FKBP5: variants seen among roughly 807,000 people sequenced by gnomAD.
The protein encoded by FKBP5 is peptidyl-prolyl cis-trans isomerase FKBP5.
FKBP5 carries 23 observed loss-of-function variants against 50.5 expected under a neutral mutation model. That is an observed-to-expected ratio of 0.46 (90% CI 0.33 to 0.65). The LOEUF (loss-of-function observed/expected upper bound fraction) is 0.65. Ranked by LOEUF, FKBP5 falls within the 30% of genes least tolerant of loss-of-function variation. FKBP5 has a pLI of 0.02. For synonymous variants in FKBP5, 176 were observed against 190.6 expected (o/e 0.92, Z 0.63); for missense variants, 411 against 553.1 (o/e 0.74, Z 2.58).
At chr6:35,611,571 CA>C (rs1301650939) in intron 5 of FKBP5, among the ~76,000 whole-genome samples, 1 of 152,104 alleles carries the variant, frequency 6.6e-6, no homozygotes, top group African/African-American at 2.4e-5. Flanking sequence ...TCTAAGAAAG[CA>C]AAGCTGAAAA....
chr6:35,604,175 T>TTTGTTG, intron 5 of FKBP5, among the ~76,000 whole-genome samples: 1 of 151,108 alleles, frequency 6.6e-6, no homozygotes, highest in East Asian at 2.0e-4. Context: ...GCCTGGCTAT[T>TTTGTTG]TTGTTGTTGT....
intron 6 of FKBP5, among the ~76,000 whole-genome samples, chr6:35,596,100 A>T (rs1287960672): frequency 6.6e-6 from 1 of 152,090 alleles, no homozygotes; most frequent in African/African-American, 2.4e-5. Flanking sequence ...CACACCTGTA[A>T]TCCCAGCACT....
intron 1 of FKBP5, among the ~76,000 whole-genome samples, chr6:35,653,663 A>G (rs557410841): frequency 6.6e-6 from 1 of 152,338 alleles, no homozygotes; most frequent in African/African-American, 2.4e-5. Flanking sequence ...AAAGGACCCT[A>G]AAGTACACTG....
chr6:35,609,063 A>G (rs1561856309), intron 5 of FKBP5, among the ~76,000 whole-genome samples: 1 of 152,176 alleles, frequency 6.6e-6, no homozygotes, highest in Non-Finnish European at 1.5e-5. Context: ...TAGGGATTAC[A>G]GGTGTGGGCC....
chr6:35,621,351 G>A lies in FKBP5; in HGVS notation c.251-1077C>T, dbSNP rs78033092. On this transcript the variant is annotated intron_variant, in intron 3 of 10. Transcript: ENST00000357266. ...GCTAAATTACATTTTGGTGGGGCAT[G>A]GTGGCTCACGCCTGTAATCCCAGAA... 2.8e-4 allele frequency among the ~76,000 whole-genome samples: 42 copies of A among 152,252 alleles called. 1 individual carries two copies. The East Asian group carries it at 7.7e-3, about 28-fold the overall frequency.
Position 35,575,715 on chromosome 6 carries a change from C to T in FKBP5, c.*120G>A. 1 of 765,690 alleles carries T rather than the reference C, an allele frequency of 1.3e-6. No individual in the cohort carries two copies. The highest frequency in any genetic ancestry group is 2.2e-6 in the Non-Finnish European group (1 of 444,508). The allele number at this position is 765,690 out of a possible 1,614,324, so 47.4% of individuals were successfully genotyped here. A position where few individuals can be genotyped will look rare whatever the true frequency, so the allele number is the denominator to read the frequency against. Reference sequence around the variant, plus strand: ...GGGAAGCTACTGGTTTTGCCATTTGCTTCCAGAATCACATAGACTATAACA... The same window carrying T: ...GGGAAGCTACTGGTTTTGCCATTTGTTTCCAGAATCACATAGACTATAACA... On this transcript the variant is annotated 3_prime_UTR_variant, in exon 11 of 11. Coordinates refer to ENST00000357266, the MANE Select transcript of FKBP5 (RefSeq NM_004117.4).
chr6:35,712,174 G>T (rs1766428141), intron 2 of FKBP5, among the ~76,000 whole-genome samples: 1 of 151,858 alleles, frequency 6.6e-6, no homozygotes, highest in African/African-American at 2.4e-5. Context: ...GCCACACCTG[G>T]CCTCTCTGTA....
intron 5 of FKBP5, among the ~76,000 whole-genome samples, chr6:35,608,458 G>A (rs1046491992): frequency 6.6e-6 from 1 of 152,148 alleles, no homozygotes; most frequent in South Asian, 2.1e-4. Flanking sequence ...TACTTGGGAG[G>A]CTGAAGCAGG....
At chr6:35,631,744 CAGG>C (rs758598547) in intron 3 of FKBP5, among the ~76,000 whole-genome samples, 2 of 151,950 alleles carry the variant, frequency 1.3e-5, no homozygotes, top group Non-Finnish European at 2.9e-5. Context: ...ATCACGAGGT[CAGG>C]AGATCAAGAC....
chr6:35,581,564 T>C, intron 8 of FKBP5: 1 of 983,932 alleles, frequency 1.0e-6, no homozygotes, highest in Non-Finnish European at 1.2e-6. Context: ...CACTCCAGCC[T>C]GGGTGACAGA....
chr6:35,642,042 C>T (rs142708384), intron 2 of FKBP5, among the ~76,000 whole-genome samples: 90 of 138,668 alleles, frequency 6.5e-4, no homozygotes, highest in African/African-American at 2.2e-3. Flanking sequence ...TAAAATAAAA[C>T]CCCTTTGAAT....
chr6:35,651,592 C>T (rs1402480515), intron 1 of FKBP5, among the ~76,000 whole-genome samples: 1 of 152,162 alleles, frequency 6.6e-6, no homozygotes, highest in African/African-American at 2.4e-5. Flanking sequence ...TTATATACTA[C>T]TAAGCAAATA....
At chr6:35,682,512 T>G (rs1270364261) in intron 1 of FKBP5, among the ~76,000 whole-genome samples, 1 of 152,176 alleles carries the variant, frequency 6.6e-6, no homozygotes, top group Non-Finnish European at 1.5e-5. Flanking sequence ...ATCTGAAATT[T>G]GCAACCCTGC....
intron 3 of FKBP5, among the ~76,000 whole-genome samples, chr6:35,627,001 G>A (rs1764020390): frequency 6.6e-6 from 1 of 152,256 alleles, no homozygotes; most frequent in East Asian, 1.9e-4. Flanking sequence ...CCCACAAGTA[G>A]AACTGCTAGA....
At chr6:35,618,378 T>G (rs990752011) in intron 5 of FKBP5, among the ~76,000 whole-genome samples, 1 of 152,184 alleles carries the variant, frequency 6.6e-6, no homozygotes, top group African/African-American at 2.4e-5. Context: ...AACCTGAAAC[T>G]ATTTTTTTTT....
Position 35,603,308 on chromosome 6 carries a change from T to G in FKBP5, c.509-5904A>C, listed in dbSNP as rs180917003. Reference sequence around the variant, plus strand: ...AGATTAAACATGTTTTAGAGCTCTGTGTAAGAAAACATTTACTGGTTCAAC... The same window carrying G: ...AGATTAAACATGTTTTAGAGCTCTGGGTAAGAAAACATTTACTGGTTCAAC... On this transcript the variant is annotated intron_variant, in intron 5 of 10. Coordinates refer to ENST00000357266, the MANE Select transcript of FKBP5 (RefSeq NM_004117.4). Among the ~76,000 whole-genome samples the G allele has an allele frequency of 1.6e-3, 248 of 152,320 alleles. 5 individuals carry two copies. Among genetic ancestry groups the G allele is most frequent in the Admixed American group, 3.3e-4 (5 of 15,296 alleles).
At chr6:35,600,006 G>A (rs1223901710) in intron 5 of FKBP5, among the ~76,000 whole-genome samples, 26 of 152,032 alleles carry the variant, frequency 1.7e-4, no homozygotes, top group African/African-American at 5.6e-4. Context: ...CTATAACCTC[G>A]GCTAAGTGGT....
At chr6:35,599,561 T>C (rs576256930) in intron 5 of FKBP5, among the ~76,000 whole-genome samples, 1 of 152,338 alleles carries the variant, frequency 6.6e-6, no homozygotes, top group East Asian at 1.9e-4. Flanking sequence ...CTCACTACTC[T>C]TTTTTAACTC....
intron 2 of FKBP5, among the ~76,000 whole-genome samples, chr6:35,714,279 C>A (rs1459234502): frequency 7.1e-6 from 1 of 140,980 alleles, no homozygotes; most frequent in African/African-American, 2.7e-5. Context: ...TGGTGAAACC[C>A]CGTCTCTACT....
Sources: gnomAD v4.1 joint callset for allele counts (sites outside exome capture counted in the v4.1 genomes callset) on GRCh38, gnomAD v4.1.1 for gene constraint, MANE v1.5 for transcripts, NCBI Gene and HGNC (gene_info 2026-07-23, HGNC 2026-07-21) for gene names.